The following PRDM1 variants were observed in gnomAD, a reference collection of about 807,000 sequenced individuals.
PRDM1 encodes the protein PR domain zinc finger protein 1.
Under a neutral mutation model 62.8 loss-of-function variants are expected in PRDM1, and 13 were observed. The ratio of observed to expected loss-of-function variants is 0.21; its 90% CI spans 0.13 to 0.33. PRDM1 has a LOEUF of 0.33. Among genes scored for constraint, PRDM1 ranks in the 10% least tolerant of loss-of-function variants. The pLI is 1.00. For missense variants in PRDM1, 895 were observed against 1,058.8 expected (o/e 0.85, Z 2.15); for synonymous variants, 396 against 417.6 (o/e 0.95, Z 0.63).
Position 106,108,522 on chromosome 6 carries a change from T to C in PRDM1, c.*1036T>C, listed in dbSNP as rs1447156178. On this transcript the variant is annotated 3_prime_UTR_variant, in exon 7 of 7. Transcript: ENST00000369096. ...GTGTTTTGTTGTTGGTTTTTGTTGCTTTTTTTTTTTTTTTTTTTTTAATGT... is the reference window on the plus strand; with the variant it reads ...GTGTTTTGTTGTTGGTTTTTGTTGCCTTTTTTTTTTTTTTTTTTTTAATGT... 16 of 6,268 alleles carry C rather than the reference T, an allele frequency of 2.6e-3. No homozygotes were observed. Among genetic ancestry groups the C allele is most frequent in the African/African-American group, 0.014 (13 of 946 alleles). The allele number at this position is 6,268 out of a possible 1,614,324, so 0.4% of individuals were successfully genotyped here.
At chr6:106,088,486 C>T (rs748495373) in intron 2 of PRDM1, 37 bp downstream of exon 2, 6 of 1,612,520 alleles carry the variant, frequency 3.7e-6, no homozygotes, top group Non-Finnish European at 5.1e-6. Context: ...GATTGGGGAC[C>T]TGGTGCCAAA....
chr6:106,041,044 AAC>A (rs944971892), intron 1 of PRDM1, among the ~76,000 whole-genome samples: 4 of 152,206 alleles, frequency 2.6e-5, no homozygotes, highest in African/African-American at 9.7e-5. Context: ...AGGTAATAGT[AAC>A]ACAGTTTCTG....
chr6:106,053,176 T>G (rs1276094069), intron 1 of PRDM1, among the ~76,000 whole-genome samples: 1 of 152,214 alleles, frequency 6.6e-6, no homozygotes, highest in Non-Finnish European at 1.5e-5. Context: ...CATCCGATAA[T>G]TTTTATTTAC....
intron 4 of PRDM1, chr6:106,100,646 T>TTC (rs1774240897): frequency 1.3e-5 from 2 of 152,242 alleles, no homozygotes; most frequent in African/African-American, 2.4e-5. Flanking sequence ...GTACTTACCC[T>TTC]AGTCATATAT....
intron 1 of PRDM1, among the ~76,000 whole-genome samples, chr6:106,034,775 G>A (rs1772901428): frequency 6.6e-6 from 1 of 151,736 alleles, no homozygotes; most frequent in Non-Finnish European, 1.5e-5. Context: ...GAGATTACAG[G>A]TGTGCACCAC....
intron 1 of PRDM1, chr6:106,087,701 A>G (rs1773845782): frequency 4.3e-6 from 1 of 232,782 alleles, no homozygotes; most frequent in Non-Finnish European, 8.5e-6. Context: ...CCATTTGGAA[A>G]AGGCAGGCTG....
chr6:106,005,782 C>T (rs1772474165), intron 1 of PRDM1, among the ~76,000 whole-genome samples: 1 of 152,142 alleles, frequency 6.6e-6, no homozygotes. Flanking sequence ...AAGACTCTCC[C>T]CACTAAAATA....
chr6:106,091,528 C>G (rs913170895), intron 2 of PRDM1, among the ~76,000 whole-genome samples: 3 of 152,122 alleles, frequency 2.0e-5, no homozygotes, highest in Admixed American at 1.3e-4. Flanking sequence ...GCCTGTAATC[C>G]CAGCACTTTG....
intron 1 of PRDM1, among the ~76,000 whole-genome samples, chr6:105,995,219 C>A (rs1012456764): frequency 6.6e-6 from 1 of 151,496 alleles, no homozygotes; most frequent in South Asian, 2.1e-4. Flanking sequence ...GGGCACCTAC[C>A]CGGCGTTGTC....
upstream of PRDM1, among the ~76,000 whole-genome samples, chr6:106,044,792 C>G (rs1046254630): frequency 6.6e-6 from 1 of 152,092 alleles, no homozygotes; most frequent in Non-Finnish European, 1.5e-5. Context: ...CAAGGGAAAG[C>G]AAGAAAGTTT....
At chr6:106,008,288 A>G (rs1346295797) in intron 1 of PRDM1, among the ~76,000 whole-genome samples, 2 of 152,054 alleles carry the variant, frequency 1.3e-5, no homozygotes, top group Non-Finnish European at 2.9e-5. Context: ...CAGTAGAATC[A>G]CTTGAACTCA....
At chr6:106,018,090 C>A (rs1270414651) in intron 1 of PRDM1, among the ~76,000 whole-genome samples, 1 of 151,816 alleles carries the variant, frequency 6.6e-6, no homozygotes, top group Non-Finnish European at 1.5e-5. Flanking sequence ...GGGCAGATAC[C>A]AAGACATTTT....
chr6:106,104,657 G>T (rs1774388765), intron 4 of PRDM1, among the ~76,000 whole-genome samples, 168 bp from the exon 5 acceptor site: 1 of 152,232 alleles, frequency 6.6e-6, no homozygotes, highest in Admixed American at 6.5e-5. Context: ...GCACTTTTGA[G>T]TGAGTGGCCC....
intron 1 of PRDM1, among the ~76,000 whole-genome samples, chr6:106,017,020 A>G (rs554436953): frequency 6.6e-6 from 1 of 152,356 alleles, no homozygotes; most frequent in South Asian, 2.1e-4. Flanking sequence ...AGAAACTCCT[A>G]GATGAACCAT....
At chr6:106,039,586 A>AT (rs937422165) in intron 1 of PRDM1, among the ~76,000 whole-genome samples, 11 of 152,090 alleles carry the variant, frequency 7.2e-5, no homozygotes, top group Admixed American at 7.2e-4. Flanking sequence ...AACCACAGCT[A>AT]TTTTTTTATT....
At chr6:106,096,903 A>G (rs1458328542) in intron 3 of PRDM1, among the ~76,000 whole-genome samples, 1 of 152,202 alleles carries the variant, frequency 6.6e-6, no homozygotes, top group Non-Finnish European at 1.5e-5. Context: ...GAATTCTTTA[A>G]AAAGAAACAG....
chr6:106,049,286 C>G (rs1201833370), intron 1 of PRDM1, among the ~76,000 whole-genome samples: 1 of 152,212 alleles, frequency 6.6e-6, no homozygotes, highest in Non-Finnish European at 1.5e-5. Context: ...AATAGAGGAG[C>G]TTGACAGCAA....
At chr6:106,073,254 A>C (rs953931599) in intron 1 of PRDM1, among the ~76,000 whole-genome samples, 1 of 151,950 alleles carries the variant, frequency 6.6e-6, no homozygotes, top group Non-Finnish European at 1.5e-5. Flanking sequence ...AGCTGGGATT[A>C]CAGGCGCCCA....
chr6:106,067,603 TA>T (rs911365136), intron 1 of PRDM1, among the ~76,000 whole-genome samples: 7 of 152,154 alleles, frequency 4.6e-5, no homozygotes, highest in Non-Finnish European at 8.8e-5. Flanking sequence ...TTGTGCTAAG[TA>T]AAATAAGCCA....
Sources: allele counts gnomAD v4.1 joint callset (sites outside exome capture counted in the v4.1 genomes callset), GRCh38; gene constraint gnomAD v4.1.1; transcripts MANE v1.5; gene names NCBI Gene and HGNC (gene_info 2026-07-23, HGNC 2026-07-21).